ARHGAP26: variants seen among roughly 807,000 people sequenced by gnomAD.
ARHGAP26 encodes the protein Rho GTPase activating protein 26, also known as rho GTPase-activating protein 26.
In ARHGAP26, 38 loss-of-function variants were observed where a neutral mutation model predicts 104.8. That is an observed-to-expected ratio of 0.36 (90% CI 0.28 to 0.48). ARHGAP26 has a LOEUF of 0.48. Among genes scored for constraint, ARHGAP26 ranks in the 20% least tolerant of loss-of-function variants. The pLI, the probability that ARHGAP26 is intolerant of heterozygous loss-of-function variation, is 0.99. For synonymous variants in ARHGAP26, 341 were observed against 340.0 expected (o/e 1.00, Z -0.03); for missense variants, 704 against 947.9 (o/e 0.74, Z 3.38).
chr5:143,212,368 A>T (rs1599543215), intron 21 of ARHGAP26, among the ~76,000 whole-genome samples: 1 of 152,156 alleles, frequency 6.6e-6, no homozygotes, highest in East Asian at 1.9e-4. Context: ...AAAAAAAAAA[A>T]AAAATGCCTC....
At position 142,846,459 on chromosome 5, in the gene ARHGAP26, A is replaced by G. The variant is rs546436254; in HGVS notation, c.155-26941A>G. ...AGAATTTCAGGTCTTTTTGAGGATT[A>G]GTCTGTTTGACCTTCTTCTCCTCTC... is the stretch of plus-strand genomic sequence containing the variant. On this transcript the variant is annotated intron_variant, in intron 1 of 22. Coordinates refer to ENST00000645722, the MANE Select transcript of ARHGAP26 (RefSeq NM_001135608.3). 4.1e-3 allele frequency among the ~76,000 whole-genome samples: 626 copies of G among 152,270 alleles called. 2 individuals carry two copies. Among genetic ancestry groups the G allele is most frequent in the Non-Finnish European group, 6.2e-3 (421 of 68,014 alleles).
chr5:143,036,917 T>C (rs1008662454), intron 12 of ARHGAP26, among the ~76,000 whole-genome samples: 8 of 152,194 alleles, frequency 5.3e-5, no homozygotes, highest in African/African-American at 1.9e-4. Context: ...CACCTGTAAA[T>C]TGAAGATAAT....
intron 1 of ARHGAP26, among the ~76,000 whole-genome samples, chr5:142,836,898 CT>C (rs1769685024): frequency 6.6e-6 from 1 of 152,140 alleles, no homozygotes; most frequent in African/African-American, 2.4e-5. Context: ...TGTAACTTGC[CT>C]CAGGTCAGGT....
chr5:142,974,338 C>T (rs1375694082), intron 11 of ARHGAP26, among the ~76,000 whole-genome samples: 3 of 151,740 alleles, frequency 2.0e-5, no homozygotes, highest in East Asian at 1.9e-4. Context: ...CTCTGGTTCT[C>T]GATGGTGTAT....
chr5:143,124,309 A>C (rs1481905608), intron 18 of ARHGAP26, among the ~76,000 whole-genome samples: 2 of 152,274 alleles, frequency 1.3e-5, no homozygotes, highest in African/African-American at 4.8e-5. Context: ...GAGCCACTCC[A>C]TTGACGGAGA....
intron 1 of ARHGAP26, among the ~76,000 whole-genome samples, chr5:142,840,473 A>G (rs568435068): frequency 6.6e-6 from 1 of 152,178 alleles, no homozygotes; most frequent in Non-Finnish European, 1.5e-5. Flanking sequence ...TAGGGCCTAA[A>G]ATGTCTTAGG....
intron 17 of ARHGAP26, among the ~76,000 whole-genome samples, chr5:143,060,289 A>G (rs1356896372): frequency 6.6e-6 from 1 of 152,252 alleles, no homozygotes; most frequent in African/African-American, 2.4e-5. Flanking sequence ...TGCCTTGTGC[A>G]TCTCAGAATT....
chr5:142,910,654 G>A lies in ARHGAP26; in HGVS notation c.934-2545G>A, dbSNP rs1015827036. ...TTTGGGAGGCTGAGGCAGGAGAATC[G>A]CTTGAGCCTGGGAGGTGGAGGTTAC... On this transcript the variant is annotated intron_variant, in intron 9 of 22. Coordinates refer to ENST00000645722, the MANE Select transcript of ARHGAP26 (RefSeq NM_001135608.3). 2.6e-5 allele frequency among the ~76,000 whole-genome samples: 4 copies of A among 152,188 alleles called. No individual in the cohort carries two copies. The East Asian group carries it at 7.7e-4, about 29-fold the overall frequency.
At chr5:143,022,887 C>T (rs1400176535) in intron 12 of ARHGAP26, among the ~76,000 whole-genome samples, 1 of 152,210 alleles carries the variant, frequency 6.6e-6, no homozygotes, top group African/African-American at 2.4e-5. Context: ...CCATCCTGTT[C>T]ATATGTGGTC....
intron 22 of ARHGAP26, among the ~76,000 whole-genome samples, chr5:143,220,098 A>G (rs1040312199): frequency 1.3e-5 from 2 of 152,238 alleles, no homozygotes; most frequent in African/African-American, 4.8e-5. Context: ...AAAGGTCTGA[A>G]GGAGATGGAC....
chr5:143,097,820 T>TAAAA (rs1792621334), intron 17 of ARHGAP26, among the ~76,000 whole-genome samples: 1 of 10,214 alleles, frequency 9.8e-5, no homozygotes, highest in Non-Finnish European at 2.7e-4. Flanking sequence ...AGACTCCAAC[T>TAAAA]CAAAAAAAAA....
intron 1 of ARHGAP26, among the ~76,000 whole-genome samples, chr5:142,846,142 C>G (rs546110832): frequency 6.6e-6 from 1 of 152,368 alleles, no homozygotes; most frequent in East Asian, 1.9e-4. Flanking sequence ...TCACCATTGT[C>G]TGCTCACATT....
At chr5:143,060,728 C>G (rs1388792466) in intron 17 of ARHGAP26, among the ~76,000 whole-genome samples, 3 of 151,880 alleles carry the variant, frequency 2.0e-5, no homozygotes, top group Non-Finnish European at 4.4e-5. Context: ...CATTTCTGGG[C>G]TCTGTGGGTC....
chr5:143,103,561 T>C lies in ARHGAP26; in HGVS notation c.1539-17427T>C, dbSNP rs201794514. 8.3e-3 allele frequency among the ~76,000 whole-genome samples: 552 copies of C among 66,526 alleles called. 21 individuals carry two copies. The East Asian group carries it at 0.12, about 15-fold the overall frequency. The allele number at this position is 66,526 out of a possible 152,430, so 43.6% of individuals were successfully genotyped here. A position where few individuals can be genotyped will look rare whatever the true frequency, so the allele number is the denominator to read the frequency against. ...AACCAACCCAAATGCCCATGAATGT[T>C]AGACTGGATAAAAAAAAAAATGTGG... On this transcript the variant is annotated intron_variant, in intron 17 of 22. Transcript: ENST00000645722.
At chr5:143,000,747 A>G (rs1488935608) in intron 11 of ARHGAP26, among the ~76,000 whole-genome samples, 3 of 152,252 alleles carry the variant, frequency 2.0e-5, no homozygotes, top group African/African-American at 7.2e-5. Context: ...TAAAGCTGGA[A>G]GCCATCATTC....
intron 1 of ARHGAP26, among the ~76,000 whole-genome samples, chr5:142,787,995 CTTT>C (rs71576156): frequency 7.5e-6 from 1 of 132,852 alleles, no homozygotes; most frequent in Non-Finnish European, 1.6e-5. Flanking sequence ...TTAACCAATT[CTTT>C]TTTTTTTTTT....
At chr5:142,864,033 C>T (rs1753824408) in intron 1 of ARHGAP26, among the ~76,000 whole-genome samples, 2 of 152,068 alleles carry the variant, frequency 1.3e-5, no homozygotes, top group South Asian at 4.1e-4. Context: ...TCTATCTCCA[C>T]CCACCAGCCC....
intron 17 of ARHGAP26, among the ~76,000 whole-genome samples, chr5:143,083,818 C>G (rs1359812479): frequency 6.6e-6 from 1 of 152,086 alleles, no homozygotes; most frequent in Non-Finnish European, 1.5e-5. Flanking sequence ...TTTCTTAACT[C>G]CGATTCAATA....
chr5:142,798,714 T>G (rs1761479594), intron 1 of ARHGAP26, among the ~76,000 whole-genome samples: 1 of 152,242 alleles, frequency 6.6e-6, no homozygotes, highest in African/African-American at 2.4e-5. Context: ...AAGCTGGGTT[T>G]GTGTCTATGT....
Sources: gnomAD v4.1 joint callset for allele counts (sites outside exome capture counted in the v4.1 genomes callset) on GRCh38, gnomAD v4.1.1 for gene constraint, MANE v1.5 for transcripts, NCBI Gene and HGNC (gene_info 2026-07-23, HGNC 2026-07-21) for gene names.